Variants in DIS3L2 observed in about 807,000 individuals in gnomAD.
The protein encoded by DIS3L2 is DIS3 like 3'-5' exoribonuclease 2, also known as DIS3-like exonuclease 2.
A neutral mutation model predicts 97.5 loss-of-function variants in DIS3L2; 34 were observed. The ratio of observed to expected loss-of-function variants is 0.35; its 90% CI spans 0.27 to 0.46. DIS3L2 has a LOEUF of 0.46. Among genes scored for constraint, DIS3L2 ranks in the 20% least tolerant of loss-of-function variants. DIS3L2 has a pLI of 1.00. For synonymous variants in DIS3L2, 435 were observed against 445.2 expected (o/e 0.98, Z 0.29); for missense variants, 1,038 against 1,146.0 (o/e 0.91, Z 1.36).
Position 232,343,519 on chromosome 2 carries a change from G to A in DIS3L2, c.1756G>A (p.Ala586Thr), listed in dbSNP as rs1269498738. 1.9e-6 allele frequency: 3 copies of A among 1,559,040 alleles called. No individual in the cohort carries two copies. In the Admixed American group the frequency reaches 5.8e-5, roughly 30 times the overall value. ...TCAGCAACAGAGCCGTGTATTGGAA[G>A]CAAAGCCCCAAAACACGATAAGAGT... is the stretch of plus-strand genomic sequence containing the variant. Residue 586 changes from alanine (A) to threonine (T), a missense_variant, in exon 14 of 14, where the codon GCA (alanine) becomes ACA (threonine). Physicochemically the swap from Ala to Thr is moderately conservative, Grantham distance 58 (BLOSUM62 0). Transcript: ENST00000273009.
At chr2:232,091,759 C>T (rs1263490437) in intron 6 of DIS3L2, among the ~76,000 whole-genome samples, 1 of 152,164 alleles carries the variant, frequency 6.6e-6, no homozygotes, top group African/African-American at 2.4e-5. Context: ...AATTTACATT[C>T]TCACCAACAG....
chr2:232,049,276 A>T (rs1251914130), intron 5 of DIS3L2, among the ~76,000 whole-genome samples: 3 of 152,192 alleles, frequency 2.0e-5, no homozygotes, highest in Non-Finnish European at 4.4e-5. Flanking sequence ...TTAAAGAGGA[A>T]TTACTAGGTC....
At chr2:232,101,723 A>T (rs546019289) in intron 6 of DIS3L2, among the ~76,000 whole-genome samples, 7 of 152,378 alleles carry the variant, frequency 4.6e-5, no homozygotes, top group Admixed American at 3.3e-4. Context: ...TAGAGATTCA[A>T]GGATTCTGCT....
chr2:232,093,788 G>A (rs1006667347), intron 6 of DIS3L2, among the ~76,000 whole-genome samples: 1 of 151,878 alleles, frequency 6.6e-6, no homozygotes, highest in Non-Finnish European at 1.5e-5. Context: ...TGTCAGTTTT[G>A]TGTAACTTTT....
intron 13 of DIS3L2, among the ~76,000 whole-genome samples, chr2:232,278,995 T>C (rs537832683): frequency 4.6e-5 from 7 of 152,322 alleles, no homozygotes; most frequent in Non-Finnish European, 8.8e-5. Context: ...TGGAGTGCAA[T>C]GGTACAATCT....
chr2:232,042,029 G>T lies in DIS3L2; in HGVS notation c.366+11949G>T, dbSNP rs533114930. Among the ~76,000 whole-genome samples the T allele has an allele frequency of 3.5e-4, 53 of 152,276 alleles. No individual in the cohort carries two copies. The South Asian group carries it at 7.5e-3, about 21-fold the overall frequency. ...TCTATACATGATTTAAGGAAGTAGC[G>T]TTCAGCAAGGGAATAATAGATGTAT... On this transcript the variant is annotated intron_variant, in intron 5 of 20. Coordinates refer to ENST00000325385, the MANE Select transcript of DIS3L2 (RefSeq NM_152383.5).
chr2:232,318,014 C>T (rs564120469), intron 14 of DIS3L2, among the ~76,000 whole-genome samples: 1 of 152,176 alleles, frequency 6.6e-6, no homozygotes, highest in African/African-American at 2.4e-5. Flanking sequence ...ACCTTTCCCC[C>T]CTGACTTTAG....
At chr2:232,121,320 C>T (rs1040177926) in intron 6 of DIS3L2, among the ~76,000 whole-genome samples, 2 of 152,170 alleles carry the variant, frequency 1.3e-5, no homozygotes, top group Admixed American at 6.5e-5. Flanking sequence ...CTGACCACAC[C>T]TCAGTTTCCT....
intron 14 of DIS3L2, among the ~76,000 whole-genome samples, chr2:232,326,360 A>G (rs1695574523): frequency 6.6e-6 from 1 of 152,002 alleles, no homozygotes; most frequent in Admixed American, 6.5e-5. Flanking sequence ...GCAATGGCGA[A>G]TACTGAACTC....
At chr2:232,093,102 A>T (rs1189438793) in intron 6 of DIS3L2, among the ~76,000 whole-genome samples, 3 of 152,074 alleles carry the variant, frequency 2.0e-5, no homozygotes, top group African/African-American at 7.2e-5. Flanking sequence ...TTATGAATGG[A>T]TGTTGAATTT....
At chr2:232,284,139 T>A (rs1032271697) in intron 13 of DIS3L2, among the ~76,000 whole-genome samples, 1 of 152,202 alleles carries the variant, frequency 6.6e-6, no homozygotes, top group Non-Finnish European at 1.5e-5. Context: ...CAGGGGCTGC[T>A]TGCCATCAGA....
chr2:232,321,037 G>C (rs1438853407), intron 14 of DIS3L2, among the ~76,000 whole-genome samples: 1 of 152,200 alleles, frequency 6.6e-6, no homozygotes, highest in Non-Finnish European at 1.5e-5. Context: ...GGGGAGCAGA[G>C]GGGGCAGAGT....
intron 6 of DIS3L2, among the ~76,000 whole-genome samples, chr2:232,101,372 T>C (rs1353768122): frequency 1.4e-5 from 2 of 146,116 alleles, no homozygotes; most frequent in Non-Finnish European, 3.0e-5. Context: ...TATATACATA[T>C]GTGTATGCTA....
chr2:232,114,920 A>G (rs1697655274), intron 6 of DIS3L2, among the ~76,000 whole-genome samples: 1 of 152,164 alleles, frequency 6.6e-6, no homozygotes, highest in African/African-American at 2.4e-5. Context: ...AAGGGGCTGC[A>G]TCTAGTGAGG....
rs1342603922 is a variant in DIS3L2, at chr2:232,333,951, G to A, written c.2122G>A (p.Asp708Asn). 1.9e-6 allele frequency: 3 copies of A among 1,612,718 alleles called. No homozygotes were observed. Among genetic ancestry groups the A allele is most frequent in the South Asian group, 1.1e-5 (1 of 91,074 alleles). ...HFTSPIRRFA[D>N]VLVHRLLAAA... ...CACCTCGCCCATCCGCCGCTTTGCCGACGTCCTGGTGCACCGCCTCCTGGC... is the reference window on the plus strand; with the variant it reads ...CACCTCGCCCATCCGCCGCTTTGCCAACGTCCTGGTGCACCGCCTCCTGGC... The change falls in exon 17 of 21, where the codon GAC becomes AAC. Residue 708 changes from aspartate (D) to asparagine (N), a missense_variant. Asp to Asn is a conservative substitution (Grantham distance 23, BLOSUM62 1). Transcript: ENST00000325385.
chr2:232,160,350 T>C (rs1479884858), intron 8 of DIS3L2, among the ~76,000 whole-genome samples: 1 of 152,244 alleles, frequency 6.6e-6, no homozygotes, highest in Non-Finnish European at 1.5e-5. Flanking sequence ...CAAGTATCAA[T>C]TTATTTTAAT....
rs977518886 is a variant in DIS3L2, at chr2:232,028,250, A to G, written c.265-1729A>G. ...TTTCTTTCTTTTTTTTCTATTATCT[A>G]TTCTTTCTGATGGGTGGAACAAGAC... On this transcript the variant is annotated intron_variant, in intron 4 of 20. Coordinates refer to ENST00000325385, the MANE Select transcript of DIS3L2 (RefSeq NM_152383.5). Among the ~76,000 whole-genome samples, 14 of 151,730 alleles carry G rather than the reference A, an allele frequency of 9.2e-5. 1 individual carries two copies. The South Asian group carries it at 1.0e-3, about 11-fold the overall frequency.
At chr2:232,204,477 G>A (rs1392711758) in intron 9 of DIS3L2, among the ~76,000 whole-genome samples, 5 of 152,074 alleles carry the variant, frequency 3.3e-5, no homozygotes, top group East Asian at 1.9e-4. Context: ...CTTCAGTCAC[G>A]TGCCTTCAGA....
chr2:232,019,077 C>T (rs1694438811), intron 3 of DIS3L2, among the ~76,000 whole-genome samples: 1 of 152,044 alleles, frequency 6.6e-6, no homozygotes, highest in Admixed American at 6.6e-5. Flanking sequence ...TTTCAGATCC[C>T]AAAAGATGCT....
Sources: gnomAD v4.1 joint callset for allele counts (sites outside exome capture counted in the v4.1 genomes callset) on GRCh38, gnomAD v4.1.1 for gene constraint, MANE v1.5 for transcripts, NCBI Gene and HGNC (gene_info 2026-07-23, HGNC 2026-07-21) for gene names.